GNA14: variants seen among roughly 807,000 people sequenced by gnomAD.
The protein encoded by GNA14 is guanine nucleotide-binding protein subunit alpha-14.
In GNA14, 50 loss-of-function variants were observed where a neutral mutation model predicts 42.0. That is an observed-to-expected ratio of 1.19 (90% CI 0.95 to 1.51). The LOEUF is 1.51. Ranked by LOEUF, GNA14 falls within the 40% of genes most tolerant of loss-of-function variation. The probability of loss-of-function intolerance (pLI) is 0.00; values close to 1 mark genes in which losing one functional copy is unlikely to be tolerated. For synonymous variants in GNA14, 173 were observed against 163.1 expected, an observed-to-expected ratio of 1.06 and a Z score of -0.46; for missense variants, 473 against 446.2, an observed-to-expected ratio of 1.06 and a Z score of -0.54.
rs150591917 is a variant in GNA14, at chr9:77,581,698, T to C, written c.125-52445A>G. Reference sequence around the variant, plus strand: ...AACAAGGCAGGTCACTGAAGTTGTATCTCAAGTTTGGCCCAGTCACAGAAT... The same window carrying C: ...AACAAGGCAGGTCACTGAAGTTGTACCTCAAGTTTGGCCCAGTCACAGAAT... On this transcript the variant is annotated intron_variant, in intron 1 of 6. Transcript: ENST00000341700. Among the ~76,000 whole-genome samples the C allele has an allele frequency of 2.8e-4, 42 of 152,336 alleles. No individual in the cohort carries two copies. The East Asian group carries it at 7.3e-3, about 27-fold the overall frequency.
chr9:77,563,126 C>G (rs938842770), intron 1 of GNA14, among the ~76,000 whole-genome samples: 1 of 152,192 alleles, frequency 6.6e-6, no homozygotes, highest in Non-Finnish European at 1.5e-5. Context: ...CCTCACCATG[C>G]ACTGCTGCAC....
chr9:77,510,857 G>T (rs1837154419), intron 2 of GNA14, among the ~76,000 whole-genome samples: 1 of 152,064 alleles, frequency 6.6e-6, no homozygotes, highest in African/African-American at 2.4e-5. Context: ...GAGGGAAGAC[G>T]CTGGTTGCCT....
intron 2 of GNA14, among the ~76,000 whole-genome samples, chr9:77,464,331 A>ATGTGTG (rs754670266): frequency 1.4e-5 from 2 of 142,960 alleles, no homozygotes; most frequent in African/African-American, 5.3e-5. Flanking sequence ...GTGTATATAT[A>ATGTGTG]TGTGTGTGTG....
At position 77,434,426 on chromosome 9, in the gene GNA14, C is replaced by G; in HGVS notation, c.406G>C (p.Gly136Arg). The G allele has an allele frequency of 6.2e-7, 1 of 1,614,112 alleles. No individual in the cohort carries two copies. The highest frequency in any genetic ancestry group is 8.5e-7 in the Non-Finnish European group (1 of 1,179,988). Residue 136 changes from glycine (G) to arginine (R), a missense_variant, in exon 3 of 7, where the codon GGC (glycine) becomes CGC (arginine). Transcript: ENST00000341700. ...EAIKQLWQDPGIQECYDRRRE... is the reference protein window; with the variant it reads ...EAIKQLWQDPRIQECYDRRRE... ...CTCCTGTCGTAACACTCCTGGATGC[C>G]TGGATCTTGCCAGAGCTGCTTGATG...
chr9:77,634,243 C>T (rs1824142412), intron 1 of GNA14, among the ~76,000 whole-genome samples: 2 of 151,710 alleles, frequency 1.3e-5, no homozygotes, highest in Admixed American at 6.6e-5. Flanking sequence ...AACACAGGGA[C>T]ACCTTGTATC....
At chr9:77,596,437 A>G (rs920084794) in intron 1 of GNA14, among the ~76,000 whole-genome samples, 5 of 152,122 alleles carry the variant, frequency 3.3e-5, no homozygotes, top group African/African-American at 1.2e-4. Flanking sequence ...CTGAGAAATC[A>G]CAAAAACTCC....
At chr9:77,618,597 TATATATATATATATATATATATA>T (rs1268622257) in intron 1 of GNA14, among the ~76,000 whole-genome samples, 75 of 11,558 alleles carry the variant, frequency 6.5e-3, no homozygotes, top group Non-Finnish European at 9.5e-3. Context: ...TATATATATA[TATATATATATATATATATATATA>T]TTTTTTTTTT....
At chr9:77,583,249 G>C (rs1269990222) in intron 1 of GNA14, among the ~76,000 whole-genome samples, 1 of 152,204 alleles carries the variant, frequency 6.6e-6, no homozygotes, top group Non-Finnish European at 1.5e-5. Flanking sequence ...GATATAAGGG[G>C]CTGGGAACAG....
chr9:77,434,447 T>C lies in GNA14; in HGVS notation c.385A>G (p.Lys129Glu). ...ATGCCTGGATCTTGCCAGAGCTGCT[T>C]GATGGCCTCCACCTGCTCCCTGGAG... is the stretch of plus-strand genomic sequence containing the variant. ...MLSREQVEAI[K>E]QLWQDPGIQE... is the part of the protein sequence containing the mutation. Residue 129 changes from lysine to glutamate, a missense_variant, in exon 3 of 7, where the codon AAG becomes GAG. By Grantham distance (56) the Lys-to-Glu change is moderately conservative. Coordinates refer to ENST00000341700, the MANE Select transcript of GNA14 (RefSeq NM_004297.4). 6.2e-7 allele frequency: 1 copy of C among 1,613,754 alleles called. No individual in the cohort carries two copies. Among genetic ancestry groups the C allele is most frequent in the Non-Finnish European group, 8.5e-7 (1 of 1,179,634 alleles).
chr9:77,470,709 A>C (rs930397393), intron 2 of GNA14, among the ~76,000 whole-genome samples: 1 of 152,206 alleles, frequency 6.6e-6, no homozygotes, highest in East Asian at 1.9e-4. Context: ...GGTAATTTGT[A>C]AAGAAAAGAG....
chr9:77,485,123 C>T (rs1053656047), intron 2 of GNA14, among the ~76,000 whole-genome samples: 10 of 152,196 alleles, frequency 6.6e-5, no homozygotes, highest in African/African-American at 2.4e-4. Context: ...TGTTTGATAG[C>T]ATTTTACCTA....
chr9:77,448,410 C>A, intron 2 of GNA14, among the ~76,000 whole-genome samples: 1 of 152,268 alleles, frequency 6.6e-6, no homozygotes, highest in South Asian at 2.1e-4. Context: ...ATATTCAATT[C>A]TTTATTATAA....
intron 2 of GNA14, among the ~76,000 whole-genome samples, chr9:77,488,784 T>TACAAAAA (rs1836703488): frequency 1.9e-5 from 1 of 53,684 alleles, no homozygotes; most frequent in Non-Finnish European, 3.2e-5. Flanking sequence ...CACACCTAAT[T>TACAAAAA]AAAAAAAAAA....
intron 1 of GNA14, chr9:77,580,546 C>A (rs1194173183): frequency 8.2e-5 from 40 of 487,884 alleles, no homozygotes; most frequent in Non-Finnish European, 4.0e-5. Flanking sequence ...CGGGTTCCAC[C>A]AGATGTTCCT....
At chr9:77,610,677 T>C (rs371716678) in intron 1 of GNA14, among the ~76,000 whole-genome samples, 1 of 152,322 alleles carries the variant, frequency 6.6e-6, no homozygotes, top group Non-Finnish European at 1.5e-5. Flanking sequence ...GCCATTTATA[T>C]ATTAATGCCA....
chr9:77,610,250 G>T (rs1823709053), intron 1 of GNA14, among the ~76,000 whole-genome samples: 1 of 152,102 alleles, frequency 6.6e-6, no homozygotes, highest in South Asian at 2.1e-4. Flanking sequence ...CTCCCCTATA[G>T]AATAGTTAAA....
intron 1 of GNA14, among the ~76,000 whole-genome samples, chr9:77,567,522 A>G (rs1822985506): frequency 6.6e-6 from 1 of 152,080 alleles, no homozygotes; most frequent in Non-Finnish European, 1.5e-5. Context: ...ACTAGTCACC[A>G]TTTTCTTCCA....
intron 1 of GNA14, among the ~76,000 whole-genome samples, chr9:77,640,419 G>A (rs1428405935): frequency 6.6e-6 from 1 of 152,040 alleles, no homozygotes; most frequent in Non-Finnish European, 1.5e-5. Context: ...TGTTACAGTG[G>A]TATTTTTCCC....
chr9:77,515,544 T>C (rs1025963869), intron 2 of GNA14, among the ~76,000 whole-genome samples: 3 of 152,206 alleles, frequency 2.0e-5, no homozygotes, highest in African/African-American at 7.2e-5. Context: ...TATGTTATAA[T>C]AACTTGAGAT....
Sources: gnomAD v4.1 joint callset for allele counts (sites outside exome capture counted in the v4.1 genomes callset) on GRCh38, gnomAD v4.1.1 for gene constraint, MANE v1.5 for transcripts, NCBI Gene and HGNC (gene_info 2026-07-23, HGNC 2026-07-21) for gene names.